DNAH6: variants seen among roughly 807,000 people sequenced by gnomAD.
DNAH6 encodes the protein axonemal beta dynein heavy chain 6.
A neutral mutation model predicts 491.4 loss-of-function variants in DNAH6; 340 were observed. That is an observed-to-expected ratio of 0.69 (90% CI 0.63 to 0.76). DNAH6 has a LOEUF of 0.76. Among genes scored for constraint, DNAH6 ranks in the 30% least tolerant of loss-of-function variants. The probability of loss-of-function intolerance (pLI) is 0.00; values close to 1 mark genes in which losing one functional copy is unlikely to be tolerated. For missense variants in DNAH6, 4,443 were observed against 4,972.2 expected (o/e 0.89, Z 3.20); for synonymous variants, 1,603 against 1,686.1 (o/e 0.95, Z 1.21).
intron 57 of DNAH6, among the ~76,000 whole-genome samples, chr2:84,713,671 G>C (rs1697260552): frequency 6.6e-6 from 1 of 152,198 alleles, no homozygotes; most frequent in Non-Finnish European, 1.5e-5. Flanking sequence ...AAATGAATCA[G>C]AGCTTAGTTG....
At chr2:84,495,432 G>A in the DNAH6 span, among the ~76,000 whole-genome samples, 1,396 of 152,216 alleles carry the variant, frequency 9.2e-3, 24 homozygotes, top group African/African-American at 0.032. Context: ...CAAAGTGCTG[G>A]GATTACAGGC....
At chr2:84,552,819 TA>T (rs1558701194) in intron 9 of DNAH6, 98 bp from the exon 10 acceptor site, 1 of 564,968 alleles carries the variant, frequency 1.8e-6, no homozygotes, top group Admixed American at 3.2e-5. Flanking sequence ...TGAATTCAGC[TA>T]ATTATATAAA....
In DNAH6 at chr2:84,573,472, C is replaced by T. The variant is rs573996178; in HGVS notation, c.1809C>T (p.Thr603=). The T allele has an allele frequency of 8.2e-6, 13 of 1,577,916 alleles. No homozygotes were observed. The highest frequency in any genetic ancestry group is 1.1e-5 in the Non-Finnish European group (13 of 1,169,012). ...FHTIISQIKE[T]IQAAFESARI... ...TGCTTATTTATAACATTTAGGAAAC[C>T]ATTCAGGCCGCATTTGAATCAGCCC... Residue 603 remains threonine, a synonymous_variant, in exon 12 of 77, where the codon ACC becomes ACT. Transcript: ENST00000389394.
intron 12 of DNAH6, among the ~76,000 whole-genome samples, chr2:84,574,795 G>A (rs1682263050): frequency 6.6e-6 from 1 of 152,176 alleles, no homozygotes; most frequent in East Asian, 1.9e-4. Context: ...AAGGAGGCCT[G>A]ATCAAAATAG....
intron 49 of DNAH6, among the ~76,000 whole-genome samples, chr2:84,702,887 C>G (rs1696065105): frequency 6.6e-6 from 1 of 152,116 alleles, no homozygotes; most frequent in South Asian, 2.1e-4. Flanking sequence ...CCAGGTGTCT[C>G]CTTTACCAGA....
intron 34 of DNAH6, 113 bp from the exon 35 acceptor site, chr2:84,654,547 C>A: frequency 7.5e-7 from 1 of 1,337,492 alleles, no homozygotes; most frequent in Admixed American, 2.3e-5. Flanking sequence ...TGAAGCCCTT[C>A]AGTGTTGTTA....
At chr2:84,737,996 C>T (rs1038321323) in intron 62 of DNAH6, among the ~76,000 whole-genome samples, 5 of 152,064 alleles carry the variant, frequency 3.3e-5, no homozygotes, top group Admixed American at 6.5e-5. Context: ...GTGCTATAAA[C>T]TCTCCTTTAA....
chr2:84,615,035 A>G (rs1686710593), intron 22 of DNAH6, among the ~76,000 whole-genome samples: 1 of 142,160 alleles, frequency 7.0e-6, no homozygotes, highest in African/African-American at 3.0e-5. Flanking sequence ...AGTCCCATCT[A>G]TTTATCTTTC....
intron 40 of DNAH6, among the ~76,000 whole-genome samples, chr2:84,673,942 G>T (rs2104686659): frequency 6.6e-6 from 1 of 152,284 alleles, no homozygotes; most frequent in East Asian, 1.9e-4. Flanking sequence ...CAATCAAGTT[G>T]ATATTCAGTA....
At chr2:84,567,533 A>G (rs1326711248) in intron 11 of DNAH6, among the ~76,000 whole-genome samples, 1 of 152,158 alleles carries the variant, frequency 6.6e-6, no homozygotes, top group East Asian at 1.9e-4. Context: ...ACCTAACAAA[A>G]ACAATCAATG....
At chr2:84,735,309 C>G (rs1179053752) in intron 62 of DNAH6, among the ~76,000 whole-genome samples, 2 of 152,158 alleles carry the variant, frequency 1.3e-5, no homozygotes, top group African/African-American at 2.4e-5. Flanking sequence ...TGATGGGCAC[C>G]TAGGTTGATT....
At chr2:84,699,569 GA>G in intron 47 of DNAH6, 24 bp from the exon 48 acceptor site, 1 of 1,540,592 alleles carries the variant, frequency 6.5e-7, no homozygotes. Context: ...ATTTTAAACT[GA>G]AAAAATAACT....
intron 40 of DNAH6, among the ~76,000 whole-genome samples, chr2:84,674,265 A>AGTG (rs1460760822): frequency 2.0e-5 from 3 of 152,216 alleles, no homozygotes; most frequent in African/African-American, 7.2e-5. Flanking sequence ...ACTACTGGCA[A>AGTG]GTGGCAAAAC....
At chr2:84,768,294 A>G (rs2105162385) in intron 64 of DNAH6, among the ~76,000 whole-genome samples, 1 of 152,190 alleles carries the variant, frequency 6.6e-6, no homozygotes. Flanking sequence ...CCAAAAGACC[A>G]AAAGTTGACT....
At chr2:84,520,286 A>G (rs1037539987) in intron 2 of DNAH6, among the ~76,000 whole-genome samples, 1 of 152,152 alleles carries the variant, frequency 6.6e-6, no homozygotes, top group African/African-American at 2.4e-5. Context: ...CAATGTACAC[A>G]TGTTGCCTAA....
chr2:84,671,607 A>G (rs1424511314), intron 39 of DNAH6, among the ~76,000 whole-genome samples: 1 of 152,074 alleles, frequency 6.6e-6, no homozygotes, highest in Non-Finnish European at 1.5e-5. Flanking sequence ...GGGGCCCCAA[A>G]TTCTTACAAA....
chr2:84,784,977 T>G (rs1677040234), intron 66 of DNAH6, among the ~76,000 whole-genome samples, 167 bp downstream of exon 66: 1 of 152,154 alleles, frequency 6.6e-6, no homozygotes, highest in South Asian at 2.1e-4. Context: ...GAGAAACGAT[T>G]TCCCAACCCC....
intron 44 of DNAH6, among the ~76,000 whole-genome samples, chr2:84,688,096 G>A (rs757785965): frequency 3.9e-5 from 6 of 151,942 alleles, no homozygotes; most frequent in African/African-American, 7.2e-5. Flanking sequence ...TAAGCTGGGC[G>A]TGGTGGTGGG....
At chr2:84,475,689 A>C in the DNAH6 span, among the ~76,000 whole-genome samples, 2 of 152,192 alleles carry the variant, frequency 1.3e-5, no homozygotes, top group African/African-American at 2.4e-5. Flanking sequence ...GGGGTCTAAT[A>C]GCAGTTTGAC....
Sources: allele counts gnomAD v4.1 joint callset (sites outside exome capture counted in the v4.1 genomes callset), GRCh38; gene constraint gnomAD v4.1.1; transcripts MANE v1.5; gene names NCBI Gene and HGNC (gene_info 2026-07-23, HGNC 2026-07-21).